Variants in DLG2 observed in about 807,000 individuals in gnomAD.
DLG2 encodes the protein discs large MAGUK scaffold protein 2.
In DLG2, 45 loss-of-function variants were observed where a neutral mutation model predicts 132.5. The observed-to-expected ratio is 0.34, with a 90% CI of 0.27 to 0.44. The LOEUF is 0.44. Among genes scored for constraint, DLG2 ranks in the 20% least tolerant of loss-of-function variants. The pLI, the probability that DLG2 is intolerant of heterozygous loss-of-function variation, is 1.00. For synonymous variants in DLG2, 424 were observed against 419.6 expected (o/e 1.01, Z -0.13); for missense variants, 1,045 against 1,196.9 (o/e 0.87, Z 1.87).
chr11:84,423,658 G>A (rs2098957745), intron 7 of DLG2, among the ~76,000 whole-genome samples: 1 of 152,064 alleles, frequency 6.6e-6, no homozygotes, highest in Non-Finnish European at 1.5e-5. Context: ...ATACTGTGAG[G>A]TAGCTCTTAA....
chr11:84,124,209 C>T (rs2094056858), intron 9 of DLG2, among the ~76,000 whole-genome samples: 1 of 152,108 alleles, frequency 6.6e-6, no homozygotes, highest in Non-Finnish European at 1.5e-5. Context: ...TGTTTTTTTC[C>T]TATGTTATAG....
At chr11:84,632,190 G>T (rs142562127) in intron 6 of DLG2, among the ~76,000 whole-genome samples, 233 of 151,972 alleles carry the variant, frequency 1.5e-3, no homozygotes, top group African/African-American at 5.4e-3. Context: ...GAACTCAGAG[G>T]TTATTCTATC....
chr11:84,416,790 C>CTCAATTAAAAGATTGTTATTA (rs1393802660), intron 7 of DLG2, among the ~76,000 whole-genome samples: 1 of 152,128 alleles, frequency 6.6e-6, no homozygotes, highest in Non-Finnish European at 1.5e-5. Flanking sequence ...AGTATATGTG[C>CTCAATTAAAAGATTGTTATTA]TCAATTAAAA....
chr11:83,733,967 T>C (rs1367469141), intron 18 of DLG2, among the ~76,000 whole-genome samples: 2 of 146,426 alleles, frequency 1.4e-5, no homozygotes. Flanking sequence ...TTCCACTCTG[T>C]ATGTCCACAT....
chr11:84,921,422 T>C (rs553494401), intron 6 of DLG2, among the ~76,000 whole-genome samples: 1 of 152,314 alleles, frequency 6.6e-6, no homozygotes, highest in South Asian at 2.1e-4. Flanking sequence ...GTACTAGGAA[T>C]TTATTATTCA....
chr11:84,991,338 G>A (rs192532849), intron 6 of DLG2, among the ~76,000 whole-genome samples: 137 of 151,782 alleles, frequency 9.0e-4, no homozygotes, highest in African/African-American at 3.2e-3. Flanking sequence ...GCAAAACCCC[G>A]TCTCTACAAA....
intron 18 of DLG2, among the ~76,000 whole-genome samples, chr11:83,740,690 C>A (rs1409071872): frequency 2.6e-5 from 4 of 152,156 alleles, no homozygotes; most frequent in Non-Finnish European, 5.9e-5. Context: ...TTCTCTGTCT[C>A]TCCTGATACA....
intron 6 of DLG2, among the ~76,000 whole-genome samples, chr11:84,863,963 A>T (rs1216239727): frequency 6.6e-6 from 1 of 152,212 alleles, no homozygotes; most frequent in African/African-American, 2.4e-5. Flanking sequence ...GGATTCAGTG[A>T]AATAAAATAC....
chr11:84,061,867 A>G (rs2096596814), intron 10 of DLG2, among the ~76,000 whole-genome samples: 1 of 124,992 alleles, frequency 8.0e-6, no homozygotes, highest in Admixed American at 8.1e-5. Context: ...AAAAAAAAAA[A>G]AAGGGAAACT....
At chr11:85,093,034 A>T (rs1382440905) in intron 6 of DLG2, among the ~76,000 whole-genome samples, 1 of 152,140 alleles carries the variant, frequency 6.6e-6, no homozygotes, top group East Asian at 1.9e-4. Flanking sequence ...CCTTTGTGTA[A>T]CAAACAATCC....
At chr11:84,573,341 G>A (rs937537312) in intron 6 of DLG2, among the ~76,000 whole-genome samples, 2 of 152,038 alleles carry the variant, frequency 1.3e-5, no homozygotes, top group Admixed American at 1.3e-4. Context: ...ACTAAAAAGT[G>A]AATTAATCTA....
chr11:84,567,283 A>G (rs1273102011), intron 6 of DLG2, among the ~76,000 whole-genome samples: 1 of 152,210 alleles, frequency 6.6e-6, no homozygotes, highest in Non-Finnish European at 1.5e-5. Context: ...TTTCTTCTGT[A>G]TATCTGAAAA....
intron 10 of DLG2, among the ~76,000 whole-genome samples, chr11:84,094,778 C>T (rs1256690065): frequency 2.0e-5 from 3 of 152,122 alleles, no homozygotes; most frequent in Non-Finnish European, 2.9e-5. Context: ...TGGGGATTAG[C>T]TTTCAACAGA....
In DLG2 at chr11:85,558,361, C is replaced by A. The variant is rs75745185; in HGVS notation, c.40+40296G>T. 9.2e-3 allele frequency among the ~76,000 whole-genome samples: 1,398 copies of A among 151,902 alleles called. 24 individuals are homozygous for A. Among genetic ancestry groups the A allele is most frequent in the African/African-American group, 0.03 (1,245 of 41,502 alleles). On this transcript the variant is annotated intron_variant, in intron 3 of 27. Coordinates refer to ENST00000376104, the MANE Select transcript of DLG2 (RefSeq NM_001142699.3). ...TGCTTATACACTGTTTATGGTAATG[C>A]AAATTAGTTTAGCAGTTTGGAGATT...
intron 19 of DLG2, among the ~76,000 whole-genome samples, chr11:83,568,481 G>A (rs10501542): frequency 0.016 from 2,466 of 152,220 alleles, 71 homozygotes; most frequent in African/African-American, 0.056. Context: ...ACCAAATTAG[G>A]TCGAAATTAA....
intron 8 of DLG2, among the ~76,000 whole-genome samples, chr11:84,250,163 G>T (rs2097353278): frequency 2.0e-5 from 3 of 152,194 alleles, no homozygotes; most frequent in Non-Finnish European, 4.4e-5. Context: ...TTTAGAAATT[G>T]CAAACATGTA....
intron 21 of DLG2, among the ~76,000 whole-genome samples, chr11:83,505,920 T>C (rs1030012195): frequency 4.6e-5 from 7 of 152,190 alleles, no homozygotes; most frequent in Non-Finnish European, 7.4e-5. Context: ...GAACTCCCCA[T>C]GAGGCCATTG....
At chr11:85,055,399 G>A (rs2063349358) in intron 6 of DLG2, among the ~76,000 whole-genome samples, 1 of 152,098 alleles carries the variant, frequency 6.6e-6, no homozygotes. Flanking sequence ...AGGACTTATG[G>A]GTCCAAGATC....
intron 6 of DLG2, among the ~76,000 whole-genome samples, chr11:84,718,404 T>C (rs543807132): frequency 3.3e-5 from 5 of 152,210 alleles, no homozygotes; most frequent in African/African-American, 1.2e-4. Context: ...AAAGTTAAAC[T>C]AATGTATTTC....
Sources: allele counts gnomAD v4.1 joint callset (sites outside exome capture counted in the v4.1 genomes callset), GRCh38; gene constraint gnomAD v4.1.1; transcripts MANE v1.5; gene names NCBI Gene and HGNC (gene_info 2026-07-23, HGNC 2026-07-21).